The following PTPRR variants were observed in gnomAD, a reference collection of about 807,000 sequenced individuals.
The protein encoded by PTPRR is protein tyrosine phosphatase receptor type R, also known as receptor-type tyrosine-protein phosphatase R.
PTPRR carries 38 observed loss-of-function variants against 77.2 expected under a neutral mutation model. That is an observed-to-expected ratio of 0.49 (90% CI 0.38 to 0.65). PTPRR has a LOEUF of 0.65. Among genes scored for constraint, PTPRR ranks in the 30% least tolerant of loss-of-function variants. PTPRR has a pLI of 0.00. For missense variants in PTPRR, 744 were observed against 799.2 expected, an observed-to-expected ratio of 0.93 and a Z score of 0.83; for synonymous variants, 299 against 283.1, an observed-to-expected ratio of 1.06 and a Z score of -0.57.
chr12:70,722,793 T>C (rs1218289813), intron 6 of PTPRR, among the ~76,000 whole-genome samples: 2 of 152,134 alleles, frequency 1.3e-5, no homozygotes, highest in East Asian at 3.9e-4. Context: ...ACAGTTCATA[T>C]CTGGAATTTA....
At chr12:70,754,424 C>A (rs1367029204) in intron 4 of PTPRR, 123 bp from the exon 5 acceptor site, 3 of 1,564,250 alleles carry the variant, frequency 1.9e-6, no homozygotes, top group South Asian at 1.2e-5. Context: ...ACCTACACCC[C>A]CCGCTGCCAG....
At position 70,639,070 on chromosome 12, in the gene PTPRR, T is replaced by G; in HGVS notation, c.*114A>C. ...AGTCTTCCACAATCCATGCCATACA[T>G]GGGCTTCAGAGCTTCTCCTTCCTTC... is the stretch of plus-strand genomic sequence containing the variant. On this transcript the variant is annotated 3_prime_UTR_variant, in exon 14 of 14. Transcript: ENST00000283228. 1 of 839,062 alleles carries G rather than the reference T, an allele frequency of 1.2e-6. No individual in the cohort carries two copies. The highest frequency in any genetic ancestry group is 2.5e-5 in the East Asian group (1 of 40,764). 52.0% of individuals were successfully genotyped at this position (839,062 alleles called of 1,614,324 possible).
At chr12:70,735,990 T>C (rs557946891) in intron 6 of PTPRR, among the ~76,000 whole-genome samples, 1 of 152,280 alleles carries the variant, frequency 6.6e-6, no homozygotes, top group Admixed American at 6.5e-5. Flanking sequence ...CACAATGAAG[T>C]GGGCGAGTTA....
At chr12:70,770,583 A>C (rs1010860677) in intron 2 of PTPRR, among the ~76,000 whole-genome samples, 15 of 152,338 alleles carry the variant, frequency 9.8e-5, no homozygotes, top group African/African-American at 3.6e-4. Context: ...TAGTTCAACC[A>C]TTGTGGAAGT....
chr12:70,833,161 T>C (rs1237448685), intron 2 of PTPRR, among the ~76,000 whole-genome samples: 3 of 151,808 alleles, frequency 2.0e-5, no homozygotes, highest in Non-Finnish European at 4.4e-5. Context: ...ATCCTAACCA[T>C]ATGAGGCAGG....
chr12:70,665,158 T>C (rs994878615), intron 10 of PTPRR, among the ~76,000 whole-genome samples: 3 of 152,110 alleles, frequency 2.0e-5, no homozygotes, highest in African/African-American at 7.2e-5. Flanking sequence ...ATTCTTTTGC[T>C]AGCTAGGCTT....
chr12:70,737,615 G>T (rs1387397749), intron 6 of PTPRR, among the ~76,000 whole-genome samples: 2 of 151,926 alleles, frequency 1.3e-5, no homozygotes, highest in African/African-American at 4.8e-5. Flanking sequence ...GAGCTCCCAG[G>T]TTCAGGATAT....
At chr12:70,863,175 A>G (rs1892783497) in intron 2 of PTPRR, among the ~76,000 whole-genome samples, 2 of 152,180 alleles carry the variant, frequency 1.3e-5, no homozygotes, top group Non-Finnish European at 2.9e-5. Flanking sequence ...AATATAAACA[A>G]TGTGCACTGA....
chr12:70,686,037 T>C (rs889344363), intron 8 of PTPRR, among the ~76,000 whole-genome samples: 2 of 152,178 alleles, frequency 1.3e-5, no homozygotes, highest in African/African-American at 4.8e-5. Context: ...AAATACAAAA[T>C]GTTATATCCT....
At chr12:70,639,444 A>G in intron 13 of PTPRR, 167 bp from the exon 14 acceptor site, 1 of 1,388,944 alleles carries the variant, frequency 7.2e-7, no homozygotes, top group Non-Finnish European at 9.4e-7. Flanking sequence ...CTCAACTATC[A>G]AAGTTAACAT....
chr12:70,811,847 T>TA (rs1309585033), intron 2 of PTPRR, among the ~76,000 whole-genome samples: 2 of 152,230 alleles, frequency 1.3e-5, no homozygotes, highest in African/African-American at 4.8e-5. Flanking sequence ...ATTCTACTGC[T>TA]AAAACATTAT....
rs377557224 is a variant in PTPRR at position 70,872,694 on chromosome 12, C to CAAAAAAAAAAAAAAAAAAAAAA, written c.357+19963_357+19984dup. 4.1e-4 allele frequency among the ~76,000 whole-genome samples: 18 copies of CAAAAAAAAAAAAAAAAAAAAAA among 43,448 alleles called. 1 individual carries two copies. The highest frequency in any genetic ancestry group is 1.6e-3 in the African/African-American group (12 of 7,302). 28.5% of individuals were successfully genotyped at this position (43,448 alleles called of 152,430 possible). A position where few individuals can be genotyped will look rare whatever the true frequency, so the allele number is the denominator to read the frequency against. Reference sequence around the variant, plus strand: ...TGGGCGACAGAGTGAGACTCTGTCTCAAAAAAAAAAAAAAAAAAAAAAAAA... The same window carrying CAAAAAAAAAAAAAAAAAAAAAA: ...TGGGCGACAGAGTGAGACTCTGTCTCAAAAAAAAAAAAAAAAAAAAAAAAAAAAAAAAAAAAAAAAAAAAAAA... On this transcript the variant is annotated intron_variant, in intron 2 of 13. Coordinates refer to ENST00000283228, the MANE Select transcript of PTPRR (RefSeq NM_002849.4).
At chr12:70,681,469 T>C (rs1261661364) in intron 10 of PTPRR, among the ~76,000 whole-genome samples, 1 of 152,214 alleles carries the variant, frequency 6.6e-6, no homozygotes, top group Non-Finnish European at 1.5e-5. Context: ...TGCTGGGGCC[T>C]CTTGCTTGCC....
chr12:70,897,210 A>G (rs1893444715), intron 1 of PTPRR, among the ~76,000 whole-genome samples: 1 of 152,050 alleles, frequency 6.6e-6, no homozygotes, highest in South Asian at 2.1e-4. Flanking sequence ...ATCAGAGTGA[A>G]CAGGCAACCT....
At chr12:70,737,486 A>ATATCTATCTATCTATC (rs10643938) in intron 6 of PTPRR, among the ~76,000 whole-genome samples, 367 of 144,236 alleles carry the variant, frequency 2.5e-3, no homozygotes, top group Admixed American at 3.6e-3. Flanking sequence ...TATTTAATGA[A>ATATCTATCTATCTATC]TATCTATCTA....
chr12:70,656,643 C>T (rs570291638), intron 13 of PTPRR, 61 bp downstream of exon 13: 9 of 1,176,614 alleles, frequency 7.6e-6, no homozygotes, highest in South Asian at 1.2e-5. Context: ...TGAAGTCAGG[C>T]TGATGAGATC....
intron 2 of PTPRR, among the ~76,000 whole-genome samples, chr12:70,772,310 G>C (rs1890995930): frequency 6.6e-6 from 1 of 152,072 alleles, no homozygotes; most frequent in Non-Finnish European, 1.5e-5. Flanking sequence ...TAACGAGATT[G>C]GTTTACATGT....
chr12:70,646,814 C>A (rs1415002402), intron 13 of PTPRR, among the ~76,000 whole-genome samples: 1 of 151,846 alleles, frequency 6.6e-6, no homozygotes, highest in Non-Finnish European at 1.5e-5. Flanking sequence ...GTTGATAAAC[C>A]TTAGACCAAC....
At position 70,909,805 on chromosome 12, in the gene PTPRR, T is replaced by A. The variant is rs576116410; in HGVS notation, c.58+10528A>T. 4.6e-5 allele frequency among the ~76,000 whole-genome samples: 7 copies of A among 152,302 alleles called. No homozygotes were observed. The South Asian group carries it at 1.5e-3, about 32-fold the overall frequency. ...TGATGATACCGCATGTCCTACCCAA[T>A]CCCTGAGACTGACAGATACTTTGTC... is the stretch of plus-strand genomic sequence containing the variant. On this transcript the variant is annotated intron_variant, in intron 1 of 13. Transcript: ENST00000283228.
Sources: allele counts gnomAD v4.1 joint callset (sites outside exome capture counted in the v4.1 genomes callset), GRCh38; gene constraint gnomAD v4.1.1; transcripts MANE v1.5; gene names NCBI Gene and HGNC (gene_info 2026-07-23, HGNC 2026-07-21).